CRB1: variants seen among roughly 807,000 people sequenced by gnomAD.
CRB1 encodes the protein protein crumbs homolog 1.
In CRB1, 83 loss-of-function variants were observed where a neutral mutation model predicts 120.0. The ratio of observed to expected loss-of-function variants is 0.69; its 90% CI spans 0.58 to 0.83. The LOEUF (loss-of-function observed/expected upper bound fraction) is 0.83, where lower values mean the gene tolerates loss of function less well. CRB1 is among the 40% of genes least tolerant of loss of function. CRB1 has a pLI of 0.00. For missense variants in CRB1, 1,699 were observed against 1,687.6 expected, an observed-to-expected ratio of 1.01 and a Z score of -0.12; for synonymous variants, 625 against 612.5, an observed-to-expected ratio of 1.02 and a Z score of -0.30.
Position 197,418,158 on chromosome 1 carries a change from C to T in CRB1, c.1172-2842C>T, listed in dbSNP as rs6697556. ...CCATATCAGTTGTTCAATAGTTTTA[C>T]CCTCAATCAAATACTTGTTATTAAT... On this transcript the variant is annotated intron_variant, in intron 5 of 11. Coordinates refer to ENST00000367400, the MANE Select transcript of CRB1 (RefSeq NM_201253.3). 6.8e-3 allele frequency among the ~76,000 whole-genome samples: 1,032 copies of T among 152,122 alleles called. 14 individuals carry two copies. Among genetic ancestry groups the T allele is most frequent in the African/African-American group, 0.023 (971 of 41,478 alleles).
the CRB1 span, among the ~76,000 whole-genome samples, chr1:197,201,522 T>C: frequency 6.6e-6 from 1 of 152,104 alleles, no homozygotes; most frequent in African/African-American, 2.4e-5. Flanking sequence ...TCGGAGACCC[T>C]AGCTACACGC....
intron 5 of CRB1, among the ~76,000 whole-genome samples, chr1:197,396,756 G>A (rs1005093766): frequency 3.9e-5 from 6 of 152,136 alleles, no homozygotes; most frequent in Non-Finnish European, 8.8e-5. Context: ...AATGCATGCA[G>A]CCATATTGCA....
chr1:197,377,364 A>G (rs1661704236), intron 5 of CRB1, among the ~76,000 whole-genome samples: 1 of 152,210 alleles, frequency 6.6e-6, no homozygotes, highest in East Asian at 1.9e-4. Flanking sequence ...TTTCATGAAT[A>G]TCAAAATGCT....
chr1:197,432,918 C>G (rs141121789), intron 8 of CRB1, among the ~76,000 whole-genome samples: 1 of 151,992 alleles, frequency 6.6e-6, no homozygotes, highest in African/African-American at 2.4e-5. Flanking sequence ...AAAAGGCCTG[C>G]GCTGGGAACA....
At chr1:197,397,344 A>G (rs1662823184) in intron 5 of CRB1, among the ~76,000 whole-genome samples, 1 of 152,130 alleles carries the variant, frequency 6.6e-6, no homozygotes, top group African/African-American at 2.4e-5. Flanking sequence ...AGGATGTGGA[A>G]TAACTCTGAT....
the CRB1 span, among the ~76,000 whole-genome samples, chr1:197,211,923 TCTTAA>T: frequency 6.6e-6 from 1 of 151,720 alleles, no homozygotes; most frequent in Non-Finnish European, 1.5e-5. Context: ...TAAAAAGAAC[TCTTAA>T]CTAATCAATG....
chr1:197,340,681 T>A (rs1407510540), intron 2 of CRB1, among the ~76,000 whole-genome samples: 1 of 152,060 alleles, frequency 6.6e-6, no homozygotes, highest in Non-Finnish European at 1.5e-5. Context: ...GCAAATAAGA[T>A]GATAACTCCT....
At chr1:197,232,378 C>T in the CRB1 span, among the ~76,000 whole-genome samples, 1 of 152,044 alleles carries the variant, frequency 6.6e-6, no homozygotes, top group African/African-American at 2.4e-5. Flanking sequence ...CACTCTAAGA[C>T]AACCGAGATA....
chr1:197,206,765 A>G, the CRB1 span, among the ~76,000 whole-genome samples: 1 of 152,140 alleles, frequency 6.6e-6, no homozygotes, highest in Non-Finnish European at 1.5e-5. Flanking sequence ...GTTCTAAAGT[A>G]TAGTTTAAAT....
At position 197,429,201 on chromosome 1, in the gene CRB1, C is replaced by G. The variant is rs921657338; in HGVS notation, c.2677-248C>G. The G allele has an allele frequency of 2.3e-5, 35 of 1,502,382 alleles. No homozygotes were observed. The East Asian group carries it at 4.9e-4, about 21-fold the overall frequency. 93.1% of individuals were successfully genotyped at this position (1,502,382 alleles called of 1,614,324 possible). A position where few individuals can be genotyped will look rare whatever the true frequency, so the allele number is the denominator to read the frequency against. On this transcript the variant is annotated intron_variant, in intron 7 of 11. Transcript: ENST00000367400. ...GAGGACACTGCTATACTTGAAAAAC[C>G]CTCCTTGTGCTATGGATCAATTTTA...
the CRB1 span, among the ~76,000 whole-genome samples, chr1:197,232,524 G>T: frequency 2.6e-5 from 4 of 152,122 alleles, no homozygotes; most frequent in African/African-American, 9.7e-5. Context: ...GTCCTTAGGG[G>T]CAAGATAGAC....
chr1:197,416,477 T>G (rs1664008548), intron 5 of CRB1, among the ~76,000 whole-genome samples: 1 of 152,150 alleles, frequency 6.6e-6, no homozygotes, highest in African/African-American at 2.4e-5. Flanking sequence ...TCAGGCTAGG[T>G]CTACGTCTTC....
chr1:197,401,842 A>G (rs1309370671), intron 5 of CRB1, among the ~76,000 whole-genome samples: 1 of 152,032 alleles, frequency 6.6e-6, no homozygotes, highest in Non-Finnish European at 1.5e-5. Context: ...CTGTGCACAG[A>G]ATTTCAGGGT....
chr1:197,345,644 A>G (rs924365020), intron 3 of CRB1, among the ~76,000 whole-genome samples: 1 of 149,568 alleles, frequency 6.7e-6, no homozygotes, highest in African/African-American at 2.5e-5. Flanking sequence ...AGTAGCTGGT[A>G]TTACATATGC....
chr1:197,459,082 A>G (rs1390635112), intron 11 of CRB1, among the ~76,000 whole-genome samples: 1 of 152,124 alleles, frequency 6.6e-6, no homozygotes, highest in Non-Finnish European at 1.5e-5. Flanking sequence ...GGATGGGATG[A>G]AGAACAGAGA....
At chr1:197,399,099 G>A (rs1393346046) in intron 5 of CRB1, among the ~76,000 whole-genome samples, 3 of 151,990 alleles carry the variant, frequency 2.0e-5, no homozygotes, top group Non-Finnish European at 4.4e-5. Flanking sequence ...CATCCTCCAT[G>A]AAATGATTCA....
chr1:197,398,447 G>A (rs777841685), intron 5 of CRB1, among the ~76,000 whole-genome samples: 14 of 152,246 alleles, frequency 9.2e-5, no homozygotes, highest in South Asian at 2.1e-4. Context: ...GAAGGAAGGC[G>A]GGTAGGTTGG....
At chr1:197,429,030 C>A (rs775405211) in intron 7 of CRB1, 5 of 1,500,276 alleles carry the variant, frequency 3.3e-6, no homozygotes, top group Non-Finnish European at 3.6e-6. Flanking sequence ...GACCTAAGTA[C>A]CAAGTTTCAC....
At chr1:197,206,229 G>A in the CRB1 span, among the ~76,000 whole-genome samples, 142 of 150,912 alleles carry the variant, frequency 9.4e-4, no homozygotes, top group African/African-American at 3.3e-3. Context: ...TTTATCTTTT[G>A]TATTTTTTTG....
Sources: gnomAD v4.1 joint callset for allele counts (sites outside exome capture counted in the v4.1 genomes callset) on GRCh38, gnomAD v4.1.1 for gene constraint, MANE v1.5 for transcripts, NCBI Gene and HGNC (gene_info 2026-07-23, HGNC 2026-07-21) for gene names.